The following APP variants were observed in gnomAD, a reference collection of about 807,000 sequenced individuals.
APP encodes the protein amyloid-beta precursor protein.
A neutral mutation model predicts 101.4 loss-of-function variants in APP; 31 were observed. That is an observed-to-expected ratio of 0.31 (90% CI 0.23 to 0.41). APP has a LOEUF of 0.41. Ranked by LOEUF, APP falls within the 10% of genes least tolerant of loss-of-function variation. APP has a pLI of 1.00. For missense variants in APP, 839 were observed against 1,003.7 expected (o/e 0.84, Z 2.22); for synonymous variants, 366 against 364.4 (o/e 1.00, Z -0.05).
chr21:25,949,546 T>C (rs575941307), intron 13 of APP, among the ~76,000 whole-genome samples: 17 of 152,304 alleles, frequency 1.1e-4, no homozygotes, highest in African/African-American at 3.8e-4. Flanking sequence ...AGGAGCCCAC[T>C]TCATCAGTCC....
intron 13 of APP, among the ~76,000 whole-genome samples, chr21:25,951,810 T>C (rs897435120): frequency 2.0e-5 from 3 of 152,210 alleles, no homozygotes; most frequent in Non-Finnish European, 4.4e-5. Flanking sequence ...AACATTTGGC[T>C]TAAGCAATTA....
At chr21:26,103,235 C>T (rs139188362) in intron 2 of APP, among the ~76,000 whole-genome samples, 19 of 152,264 alleles carry the variant, frequency 1.2e-4, no homozygotes, top group South Asian at 4.1e-4. Flanking sequence ...GCATTTGAAG[C>T]GGATAAAAAC....
At chr21:26,109,336 C>G (rs1402096540) in intron 2 of APP, among the ~76,000 whole-genome samples, 1 of 152,210 alleles carries the variant, frequency 6.6e-6, no homozygotes, top group African/African-American at 2.4e-5. Context: ...TGTTTAAGCA[C>G]CATCCCTCGA....
chr21:26,166,987 G>A (rs558733377), intron 1 of APP, among the ~76,000 whole-genome samples: 2 of 152,022 alleles, frequency 1.3e-5, no homozygotes, highest in Admixed American at 6.6e-5. Flanking sequence ...AGAGAGGAAT[G>A]TAAACAAATA....
chr21:25,982,606 A>G (rs2042477422), intron 8 of APP, 129 bp from the exon 9 acceptor site: 2 of 849,828 alleles, frequency 2.4e-6, no homozygotes, highest in South Asian at 1.6e-5. Context: ...CAGCGCATAC[A>G]AGACGTTAAT....
chr21:26,106,606 C>T lies in APP; in HGVS notation c.225+5373G>A, dbSNP rs1361660165. Among the ~76,000 whole-genome samples the T allele has an allele frequency of 2.4e-4, 37 of 152,136 alleles. 1 individual carries two copies. The highest frequency in any genetic ancestry group is 2.4e-3 in the Admixed American group (37 of 15,280). On this transcript the variant is annotated intron_variant, in intron 2 of 17. Transcript: ENST00000346798. ...GCCCAAGCGATCCTCTCACTCAAAG[C>T]GCTGCGACTACAGGTCTGAGCCACG...
Position 26,021,895 on chromosome 21 carries a change from G to A in APP, c.810C>T (p.Thr270=), listed in dbSNP as rs1450275288. 4.3e-6 allele frequency: 7 copies of A among 1,613,488 alleles called. No individual in the cohort carries two copies. The East Asian group carries it at 6.7e-5, about 15-fold the overall frequency. Reference sequence around the variant, plus strand: ...TGGTGGTGGTGGTGGTGGCAATGCTGGTGGTTCTCTCTGTGGCTTCTTCGT... The same window carrying A: ...TGGTGGTGGTGGTGGTGGCAATGCTAGTGGTTCTCTCTGTGGCTTCTTCGT... ...EPYEEATERT[T]SIATTTTTTT... Residue 270 remains threonine, a synonymous_variant, in exon 6 of 18, where the codon ACC becomes ACT. Coordinates refer to ENST00000346798, the MANE Select transcript of APP (RefSeq NM_000484.4).
At chr21:25,909,696 G>A (rs2038973143) in intron 14 of APP, among the ~76,000 whole-genome samples, 1 of 152,184 alleles carries the variant, frequency 6.6e-6, no homozygotes, top group Non-Finnish European at 1.5e-5. Context: ...TACAAAATGA[G>A]ATCGGACATT....
chr21:25,945,136 T>C (rs149435755), intron 13 of APP, among the ~76,000 whole-genome samples: 383 of 152,286 alleles, frequency 2.5e-3, no homozygotes, highest in African/African-American at 8.8e-3. Context: ...TCAGTCATCA[T>C]GGCTTAAGGA....
intron 13 of APP, among the ~76,000 whole-genome samples, chr21:25,928,029 G>A (rs1399100120): frequency 3.9e-5 from 6 of 152,118 alleles, no homozygotes; most frequent in Non-Finnish European, 8.8e-5. Flanking sequence ...TGGGTTGTCA[G>A]GAACTTAAAG....
At position 26,021,940 on chromosome 21, in the gene APP, C is replaced by T; in HGVS notation, c.765G>A (p.Glu255=). Residue 255 remains glutamate (E), a synonymous_variant, in exon 6 of 18, where the codon GAG becomes GAA. Coordinates refer to ENST00000346798, the MANE Select transcript of APP (RefSeq NM_000484.4). ...CTTCGTAGGGTTCCTCAGCCTCTTC[C>T]TCTACCTCATCACCATCCTCATCGT... is the stretch of plus-strand genomic sequence containing the variant. ...DEDDEDGDEV[E]EEAEEPYEEA... 1 of 1,613,510 alleles carries T rather than the reference C, an allele frequency of 6.2e-7. No individual in the cohort carries two copies. The highest frequency in any genetic ancestry group is 8.5e-7 in the Non-Finnish European group (1 of 1,179,680).
At chr21:26,121,974 C>T (rs1286050267) in intron 1 of APP, among the ~76,000 whole-genome samples, 1 of 152,138 alleles carries the variant, frequency 6.6e-6, no homozygotes, top group Non-Finnish European at 1.5e-5. Flanking sequence ...TAATGGAAAA[C>T]AAGATTCCAG....
intron 9 of APP, among the ~76,000 whole-genome samples, chr21:25,979,850 G>GT (rs56284956): frequency 1 from 151,956 of 151,956 alleles, 75,978 homozygotes; most frequent in Non-Finnish European, 1. Flanking sequence ...ATGAATGCAG[G>GT]TAGCAGGCTT....
chr21:26,068,224 G>A (rs930728831), intron 3 of APP: 6 of 152,148 alleles, frequency 3.9e-5, no homozygotes, highest in East Asian at 3.8e-4. Flanking sequence ...TCACTCTCAC[G>A]CCCCTCACTT....
At chr21:26,070,380 T>C (rs1206020784) in intron 3 of APP, among the ~76,000 whole-genome samples, 1 of 152,164 alleles carries the variant, frequency 6.6e-6, no homozygotes, top group Non-Finnish European at 1.5e-5. Context: ...TTTCTGGACT[T>C]CTAAGGAAGA....
At chr21:26,007,460 T>C (rs1186088305) in intron 6 of APP, among the ~76,000 whole-genome samples, 1 of 147,638 alleles carries the variant, frequency 6.8e-6, no homozygotes, top group African/African-American at 2.5e-5. Flanking sequence ...TTATATACTA[T>C]ATATTACAAT....
chr21:26,082,369 C>T (rs1355983988), intron 3 of APP, among the ~76,000 whole-genome samples: 1 of 151,994 alleles, frequency 6.6e-6, no homozygotes, highest in African/African-American at 2.4e-5. Flanking sequence ...AAGTGAAAAA[C>T]AAAAATATTT....
chr21:25,956,773 T>C (rs564305724), intron 11 of APP, among the ~76,000 whole-genome samples: 66 of 152,308 alleles, frequency 4.3e-4, no homozygotes, highest in African/African-American at 1.3e-3. Flanking sequence ...ATCCATATCC[T>C]ATGGGATGTG....
rs545407441 is a variant in APP at position 26,153,512 on chromosome 21, T to A, written c.57+17052A>T. On this transcript the variant is annotated intron_variant, in intron 1 of 17. Coordinates refer to ENST00000346798, the MANE Select transcript of APP (RefSeq NM_000484.4). ...AAAACATAGAGATGGGATCTCCTTA[T>A]GCTGCCCAGGCTTGTCTCAAACTCC... is the stretch of plus-strand genomic sequence containing the variant. Among the ~76,000 whole-genome samples, 14 of 152,320 alleles carry A rather than the reference T, an allele frequency of 9.2e-5. No homozygotes were observed. The South Asian group carries it at 2.9e-3, about 32-fold the overall frequency.
Sources: allele counts gnomAD v4.1 joint callset (sites outside exome capture counted in the v4.1 genomes callset), GRCh38; gene constraint gnomAD v4.1.1; transcripts MANE v1.5; gene names NCBI Gene and HGNC (gene_info 2026-07-23, HGNC 2026-07-21).